The following SYTL5 variants were observed in gnomAD, a reference collection of about 807,000 sequenced individuals.
The protein encoded by SYTL5 is synaptotagmin like 5, also known as synaptotagmin-like protein 5.
SYTL5 carries 34 observed loss-of-function variants against 55.9 expected under a neutral mutation model. The ratio of observed to expected loss-of-function variants is 0.61; its 90% CI spans 0.46 to 0.81. The LOEUF (loss-of-function observed/expected upper bound fraction) is 0.81, where lower values mean the gene tolerates loss of function less well. Ranked by LOEUF, SYTL5 falls within the 30% of genes least tolerant of loss-of-function variation. The pLI, the probability that SYTL5 is intolerant of heterozygous loss-of-function variation, is 0.00. For synonymous variants in SYTL5, 221 were observed against 188.7 expected (o/e 1.17, Z -1.40); for missense variants, 637 against 546.7 (o/e 1.17, Z -1.65).
chrX:37,950,909 A>G, the SYTL5 span, among the ~76,000 whole-genome samples: 1 of 111,122 alleles, frequency 9.0e-6, no homozygotes, highest in African/African-American at 3.3e-5. Context: ...GGTGTTATCC[A>G]TCCAACATGT....
intron 2 of SYTL5, among the ~76,000 whole-genome samples, chrX:38,052,236 A>G (rs765770012): frequency 1.8e-4 from 20 of 111,988 alleles, no homozygotes; most frequent in Admixed American, 1.4e-3. Flanking sequence ...AAATTACCAC[A>G]AACTTGGTGG....
chrX:37,959,717 C>T, the SYTL5 span, among the ~76,000 whole-genome samples: 1 of 111,802 alleles, frequency 8.9e-6, no homozygotes, highest in South Asian at 3.7e-4. Flanking sequence ...TGTGACTATT[C>T]CCTATAACTT....
At chrX:38,105,928 T>C (rs931298197) in intron 10 of SYTL5, among the ~76,000 whole-genome samples, 4 of 112,204 alleles carry the variant, frequency 3.6e-5, no homozygotes, top group Non-Finnish European at 7.5e-5. Flanking sequence ...GATTTTATTG[T>C]GTAGTAGTTT....
At chrX:38,014,914 A>T (rs1453496562) in intron 1 of SYTL5, among the ~76,000 whole-genome samples, 1 of 112,008 alleles carries the variant, frequency 8.9e-6, no homozygotes, top group Non-Finnish European at 1.9e-5. Flanking sequence ...TGAGGGAGGT[A>T]TGTAGCTTTT....
Position 38,122,324 on chromosome X carries a change from T to C in SYTL5, c.1841+109T>C, listed in dbSNP as rs773355916. 1.9e-4 allele frequency: 127 copies of C among 658,559 alleles called. 1 individual carries two copies. The South Asian group carries it at 5.0e-3, about 26-fold the overall frequency. 54.3% of individuals were successfully genotyped at this position (658,559 alleles called of 1,213,427 possible). On this transcript the variant is annotated intron_variant, in intron 15 of 16. Coordinates refer to ENST00000297875, the MANE Select transcript of SYTL5 (RefSeq NM_138780.3). Reference sequence around the variant, plus strand: ...CCTTCCGTGTTCTGTTTACTAGAAGTGTATGGGTGAGAACTACCCTTACAT... The same window carrying C: ...CCTTCCGTGTTCTGTTTACTAGAAGCGTATGGGTGAGAACTACCCTTACAT...
At chrX:37,900,876 C>G in the SYTL5 span, among the ~76,000 whole-genome samples, 3 of 111,555 alleles carry the variant, frequency 2.7e-5, no homozygotes, top group Non-Finnish European at 5.6e-5. Context: ...TTCAGAGCCC[C>G]TACTCTGTGT....
At chrX:38,061,414 CTT>C (rs1273003675) in intron 3 of SYTL5, among the ~76,000 whole-genome samples, 1 of 111,216 alleles carries the variant, frequency 9.0e-6, no homozygotes, top group African/African-American at 3.3e-5. Flanking sequence ...AGCAAACACT[CTT>C]TGTTTATTGT....
chrX:38,001,009 A>G, the SYTL5 span, among the ~76,000 whole-genome samples: 2 of 110,859 alleles, frequency 1.8e-5, no homozygotes, highest in African/African-American at 6.6e-5. Context: ...GGTTTTTATA[A>G]GCACAGGATA....
At chrX:38,096,392 G>A (rs889065760) in intron 9 of SYTL5, among the ~76,000 whole-genome samples, 158 bp downstream of exon 9, 10 of 111,460 alleles carry the variant, frequency 9.0e-5, no homozygotes, top group Non-Finnish European at 3.8e-5. Flanking sequence ...CATAAAAACC[G>A]AAAGAATAAC....
the SYTL5 span, among the ~76,000 whole-genome samples, chrX:37,940,973 G>C: frequency 1.8e-5 from 2 of 111,370 alleles, no homozygotes; most frequent in Non-Finnish European, 3.8e-5. Context: ...GCTTACTGTA[G>C]AGGGATTTTC....
intron 6 of SYTL5, among the ~76,000 whole-genome samples, chrX:38,089,243 C>A (rs1371279718): frequency 9.0e-6 from 1 of 111,700 alleles, no homozygotes; most frequent in Non-Finnish European, 1.9e-5. Context: ...TACTGTGGGG[C>A]AAATGGGGAC....
At chrX:38,101,114 A>T (rs2147578948) in intron 9 of SYTL5, among the ~76,000 whole-genome samples, 1 of 111,654 alleles carries the variant, frequency 9.0e-6, no homozygotes, top group East Asian at 2.8e-4. Context: ...TTACATTTAC[A>T]CAAAGTACAA....
At position 38,087,625 on chromosome X, in the gene SYTL5, C is replaced by A. The variant is rs1323113878; in HGVS notation, c.690-1821C>A. ...AAAAAGAAAAGCCACCCTTTAGTAA[C>A]CACTCTTTAGTAACATAGAAAATTT... is the stretch of plus-strand genomic sequence containing the variant. On this transcript the variant is annotated intron_variant, in intron 6 of 16. Transcript: ENST00000297875. 5.4e-5 allele frequency among the ~76,000 whole-genome samples: 6 copies of A among 112,011 alleles called. No homozygotes were observed. The South Asian group carries it at 1.1e-3, about 21-fold the overall frequency.
the SYTL5 span, among the ~76,000 whole-genome samples, chrX:37,903,627 C>G: frequency 1.9e-4 from 21 of 108,812 alleles, no homozygotes; most frequent in African/African-American, 5.7e-4. Flanking sequence ...GTGCAGCACA[C>G]CAACATGGCA....
chrX:38,045,926 G>A (rs138265499), intron 2 of SYTL5, among the ~76,000 whole-genome samples: 8 of 112,049 alleles, frequency 7.1e-5, no homozygotes, highest in African/African-American at 1.9e-4. Context: ...CTGGGCGGGC[G>A]GAAGAAACCC....
At chrX:37,919,043 G>A in the SYTL5 span, among the ~76,000 whole-genome samples, 2 of 110,649 alleles carry the variant, frequency 1.8e-5, no homozygotes, top group African/African-American at 6.6e-5. Context: ...TCATTCTCCA[G>A]TATCAGCCAT....
At chrX:38,069,601 T>G (rs761427481) in intron 3 of SYTL5, among the ~76,000 whole-genome samples, 73 of 112,357 alleles carry the variant, frequency 6.5e-4, no homozygotes, top group Non-Finnish European at 1.0e-3. Flanking sequence ...CAATCTGACT[T>G]TCCATTCTGC....
the SYTL5 span, among the ~76,000 whole-genome samples, chrX:38,000,844 G>A: frequency 9.0e-6 from 1 of 111,508 alleles, no homozygotes; most frequent in Non-Finnish European, 1.9e-5. Context: ...CTCAGTGGCC[G>A]GGCTCTTCTC....
chrX:38,095,963 T>A (rs1260632811), intron 8 of SYTL5, among the ~76,000 whole-genome samples, 171 bp from the exon 9 acceptor site: 1 of 111,604 alleles, frequency 9.0e-6, no homozygotes, highest in Non-Finnish European at 1.9e-5. Context: ...AATAGAAGTA[T>A]GTTATCATAA....
Sources: gnomAD v4.1 joint callset for allele counts (sites outside exome capture counted in the v4.1 genomes callset) on GRCh38, gnomAD v4.1.1 for gene constraint, MANE v1.5 for transcripts, NCBI Gene and HGNC (gene_info 2026-07-23, HGNC 2026-07-21) for gene names.